MN1: variants seen among roughly 807,000 people sequenced by gnomAD.
The protein encoded by MN1 is MN1 proto-oncogene, transcriptional regulator.
Under a neutral mutation model 86.9 loss-of-function variants are expected in MN1, and 19 were observed. That is an observed-to-expected ratio of 0.22 (90% CI 0.15 to 0.32). MN1 has a LOEUF of 0.32. Ranked by LOEUF, MN1 falls within the 10% of genes least tolerant of loss-of-function variation. The pLI is 1.00. For missense variants in MN1, 1,841 were observed against 1,862.0 expected (o/e 0.99, Z 0.21); for synonymous variants, 928 against 849.6 (o/e 1.09, Z -1.60).
intron 1 of MN1, among the ~76,000 whole-genome samples, chr22:27,777,582 A>G (rs5752634): frequency 0.25 from 37,092 of 150,640 alleles, 5,103 homozygotes; most frequent in East Asian, 0.42. Flanking sequence ...AGTCCAGCCC[A>G]GCACTGTGGC....
In MN1 at chr22:27,800,765, T is replaced by C. The variant is rs1933422265; in HGVS notation, c.-222A>G. On this transcript the variant is annotated 5_prime_UTR_variant, in exon 1 of 2. An upstream start codon of the reference 5' UTR is lost. Transcript: ENST00000302326. ...TTCTGCCCGGGGAGGGCCTCTCACATCTTGCGAGGCCGCGGGGCCTCTAGG... is the reference window on the plus strand; with the variant it reads ...TTCTGCCCGGGGAGGGCCTCTCACACCTTGCGAGGCCGCGGGGCCTCTAGG... The C allele has an allele frequency of 1.6e-6, 1 of 610,156 alleles. No individual in the cohort carries two copies. The highest frequency in any genetic ancestry group is 3.1e-5 in the Admixed American group (1 of 32,076). 37.8% of individuals were successfully genotyped at this position (610,156 alleles called of 1,614,324 possible).
chr22:27,761,852 A>G (rs559257834), intron 1 of MN1, among the ~76,000 whole-genome samples: 16 of 152,308 alleles, frequency 1.1e-4, no homozygotes, highest in African/African-American at 3.8e-4. Flanking sequence ...GGCTGAGGGC[A>G]GCTGTCATTT....
At chr22:27,786,842 G>GCA (rs59816177) in intron 1 of MN1, among the ~76,000 whole-genome samples, 21,622 of 140,562 alleles carry the variant, frequency 0.15, 1,727 homozygotes, top group East Asian at 0.43. Context: ...ATGCCCGTGC[G>GCA]CACACACACA....
Position 27,775,501 on chromosome 22 carries a change from C to T in MN1, c.3781+21262G>A, listed in dbSNP as rs148182176. On this transcript the variant is annotated intron_variant, in intron 1 of 1. Transcript: ENST00000302326. The stretch of plus-strand genomic sequence containing the variant: ...ATGGGGCTATCTCCTGGGATGCTGA[C>T]GAGGTTATAGCAGTGCATACCGCCG... 4.2e-3 allele frequency among the ~76,000 whole-genome samples: 633 copies of T among 152,270 alleles called. 3 individuals are homozygous for T. The highest frequency in any genetic ancestry group is 0.015 in the African/African-American group (603 of 41,546).
At chr22:27,777,494 C>G (rs1932993133) in intron 1 of MN1, among the ~76,000 whole-genome samples, 1 of 151,416 alleles carries the variant, frequency 6.6e-6, no homozygotes, top group Non-Finnish European at 1.5e-5. Context: ...GATGGTGCCC[C>G]TGCACTCCAG....
Position 27,798,613 on chromosome 22 carries a change from G to T in MN1, c.1931C>A (p.Pro644His), listed in dbSNP as rs766003256. ...GPHPPPGDLL[P>H]RRMGGSGLPA... The stretch of plus-strand genomic sequence containing the variant: ...CAGACCCGAGCCGCCCATCCTACGG[G>T]GCAGCAGGTCTCCGGGCGGCGGATG... The change falls in exon 1 of 2, where the codon CCC becomes CAC. Residue 644 changes from proline to histidine, a missense_variant. By Grantham distance (77) the Pro-to-His change is moderately conservative (BLOSUM62 -2). Coordinates refer to ENST00000302326, the MANE Select transcript of MN1 (RefSeq NM_002430.3). The T allele has an allele frequency of 6.4e-7, 1 of 1,562,050 alleles. No homozygotes were observed. The highest frequency in any genetic ancestry group is 1.8e-5 in the Admixed American group (1 of 55,134).
At chr22:27,796,147 A>G (rs895040502) in intron 1 of MN1, among the ~76,000 whole-genome samples, 4 of 152,170 alleles carry the variant, frequency 2.6e-5, no homozygotes, top group South Asian at 2.1e-4. Flanking sequence ...CCGTTTTTCA[A>G]TGAAACTCTG....
chr22:27,796,333 C>G (rs1933294524), intron 1 of MN1, among the ~76,000 whole-genome samples: 1 of 152,088 alleles, frequency 6.6e-6, no homozygotes, highest in East Asian at 1.9e-4. Context: ...GGCGTTAACA[C>G]AACTTCCCAG....
At chr22:27,756,384 C>T (rs918085266) in intron 1 of MN1, among the ~76,000 whole-genome samples, 2 of 152,004 alleles carry the variant, frequency 1.3e-5, no homozygotes, top group Admixed American at 6.6e-5. Context: ...GTGAGCCGGG[C>T]GGAGGTGGCT....
chr22:27,765,342 C>T (rs1388269840), intron 1 of MN1, among the ~76,000 whole-genome samples: 4 of 152,156 alleles, frequency 2.6e-5, no homozygotes, highest in Non-Finnish European at 5.9e-5. Flanking sequence ...TCTTGGGCTA[C>T]AGCAGAAACC....
intron 1 of MN1, among the ~76,000 whole-genome samples, chr22:27,792,795 T>G (rs1933231555): frequency 6.6e-6 from 1 of 152,172 alleles, no homozygotes; most frequent in South Asian, 2.1e-4. Context: ...GAAACAGGAT[T>G]GCAAAGCTCT....
At position 27,796,985 on chromosome 22, in the gene MN1, C is replaced by T; in HGVS notation, c.3559G>A (p.Val1187Ile). 1 of 1,612,338 alleles carries T rather than the reference C, an allele frequency of 6.2e-7. No individual in the cohort carries two copies. The highest frequency in any genetic ancestry group is 8.5e-7 in the Non-Finnish European group (1 of 1,179,608). The change falls in exon 1 of 2, where the codon GTC (valine) becomes ATC (isoleucine). Residue 1187 changes from valine (V) to isoleucine (I), a missense_variant. Val to Ile is a conservative substitution (Grantham distance 29). Transcript: ENST00000302326. ...CCATTCTGCGCCCCTGAGGCCCCGACGGCGCACTCACCCTTCTTGCCACCC... is the reference window on the plus strand; with the variant it reads ...CCATTCTGCGCCCCTGAGGCCCCGATGGCGCACTCACCCTTCTTGCCACCC... ...LKGGKKGECA[V>I]GASGAQNGDS... is the part of the protein sequence containing the mutation.
Position 27,799,994 on chromosome 22 carries a change from G to A in MN1, c.550C>T (p.His184Tyr). Residue 184 changes from histidine (H) to tyrosine (Y), a missense_variant, in exon 1 of 2, where the codon CAC becomes TAC. By Grantham distance (83) the His-to-Tyr change is moderately conservative. Transcript: ENST00000302326. The stretch of plus-strand genomic sequence containing the variant: ...GGCAGGCATGGGGCCGGCACGGCGT[G>A]GCTGGAGGCACCTGAACTGTGGAAG... ...PDFHSSGASS[H>Y]AVPAPCLPLD... is the part of the protein sequence containing the mutation. 1 of 1,604,302 alleles carries A rather than the reference G, an allele frequency of 6.2e-7. No homozygotes were observed. Among genetic ancestry groups the A allele is most frequent in the Non-Finnish European group, 8.5e-7 (1 of 1,178,080 alleles).
rs1933428176 is a variant in MN1, at chr22:27,801,027, AG to A, written c.-485del. ...GTGGCAGAGCTGCTAAGGGCAGGGG[AG>A]GGAGACCCTTCAAAGCCGCGGCTGG... is the stretch of plus-strand genomic sequence containing the variant. On this transcript the variant is annotated 5_prime_UTR_variant, in exon 1 of 2. Coordinates refer to ENST00000302326, the MANE Select transcript of MN1 (RefSeq NM_002430.3). 3.9e-6 allele frequency: 1 copy of A among 253,390 alleles called. No homozygotes were observed. The highest frequency in any genetic ancestry group is 4.9e-5 in the Admixed American group (1 of 20,340). The allele number at this position is 253,390 out of a possible 1,614,324, so 15.7% of individuals were successfully genotyped here.
intron 1 of MN1, among the ~76,000 whole-genome samples, chr22:27,770,946 C>G: frequency 6.6e-6 from 1 of 152,068 alleles, no homozygotes. Flanking sequence ...AGGCGGGAGC[C>G]ACCACATCCA....
Position 27,799,798 on chromosome 22 carries a change from G to A in MN1, c.746C>T (p.Pro249Leu). Reference protein sequence around the residue: ...APSGHFDMFSPSDSEGQLPHY... With the variant: ...APSGHFDMFSLSDSEGQLPHY... ...AGGCAGCTGCCCTTCGGAGTCAGAG[G>A]GCGAAAACATGTCAAAATGTCCCGA... Residue 249 changes from proline (P) to leucine (L), a missense_variant, in exon 1 of 2, where the codon CCC (proline) becomes CTC (leucine). Coordinates refer to ENST00000302326, the MANE Select transcript of MN1 (RefSeq NM_002430.3). 1.3e-6 allele frequency: 2 copies of A among 1,596,708 alleles called. No homozygotes were observed. The highest frequency in any genetic ancestry group is 1.7e-6 in the Non-Finnish European group (2 of 1,170,462).
intron 1 of MN1, among the ~76,000 whole-genome samples, chr22:27,763,443 A>G (rs940182618): frequency 6.6e-6 from 1 of 152,178 alleles, no homozygotes; most frequent in Non-Finnish European, 1.5e-5. Context: ...TTGGAGACAG[A>G]GGCCTGAGTT....
rs1392849225 is a variant in MN1, at chr22:27,798,689, C to T, written c.1855G>A (p.Glu619Lys). Residue 619 changes from glutamate to lysine, a missense_variant, in exon 1 of 2, where the codon GAG becomes AAG. Coordinates refer to ENST00000302326, the MANE Select transcript of MN1 (RefSeq NM_002430.3). ...STGAGRLGTF[E>K]QQAPHLAQES... ...TGCGCCAAGTGCGGCGCCTGCTGCT[C>T]GAAGGTGCCCAGACGCCCGGCGCCC... 6.5e-7 allele frequency: 1 copy of T among 1,538,912 alleles called. No individual in the cohort carries two copies. Among genetic ancestry groups the T allele is most frequent in the Non-Finnish European group, 8.7e-7 (1 of 1,149,798 alleles).
intron 1 of MN1, among the ~76,000 whole-genome samples, chr22:27,761,664 G>A (rs1368982645): frequency 2.0e-5 from 3 of 152,164 alleles, no homozygotes; most frequent in Non-Finnish European, 4.4e-5. Context: ...TGGGCACAGA[G>A]CCAGGTGCAA....
Sources: gnomAD v4.1 joint callset for allele counts (sites outside exome capture counted in the v4.1 genomes callset) on GRCh38, gnomAD v4.1.1 for gene constraint, MANE v1.5 for transcripts, NCBI Gene and HGNC (gene_info 2026-07-23, HGNC 2026-07-21) for gene names.